GPR162: variants seen among roughly 807,000 people sequenced by gnomAD.
The protein encoded by GPR162 is G protein-coupled receptor 162, also known as probable G protein-coupled receptor 162.
Under a neutral mutation model 44.9 loss-of-function variants are expected in GPR162, and 26 were observed. The observed-to-expected ratio is 0.58, with a 90% confidence interval of 0.42 to 0.80. The LOEUF is 0.80. Ranked by LOEUF, GPR162 falls within the 30% of genes least tolerant of loss-of-function variation. The probability of loss-of-function intolerance (pLI) is 0.00; values close to 1 mark genes in which losing one functional copy is unlikely to be tolerated. For synonymous variants in GPR162, 363 were observed against 335.2 expected (o/e 1.08, Z -0.91); for missense variants, 704 against 802.3 (o/e 0.88, Z 1.48).
At chr12:6,824,804 C>A in intron 2 of GPR162, 39 bp downstream of exon 2, 7 of 1,537,962 alleles carry the variant, frequency 4.6e-6, no homozygotes, top group Non-Finnish European at 6.3e-6. Flanking sequence ...TCCCCAATAT[C>A]CAGGCCCCAG....
rs781927479 is a variant in GPR162, at chr12:6,824,486, C to T, written c.588C>T (p.Val196=). ...LLLGGIVMGL[V]CVAITFYQTL... is the part of the protein sequence containing the mutation. Reference sequence around the variant, plus strand: ...TTGGGGGAATTGTCATGGGTCTGGTCTGTGTGGCCATCACCTTCTACCAGA... The same window carrying T: ...TTGGGGGAATTGTCATGGGTCTGGTTTGTGTGGCCATCACCTTCTACCAGA... The change falls in exon 2 of 5, where the codon GTC becomes GTT. Residue 196 remains valine, a synonymous_variant. Transcript: ENST00000311268. 74 of 1,612,362 alleles carry T rather than the reference C, an allele frequency of 4.6e-5. No homozygotes were observed. In the Admixed American group the frequency reaches 1.2e-3, roughly 26 times the overall value.
Position 6,826,647 on chromosome 12 carries a change from T to G in GPR162, c.1216-6T>G. The stretch of plus-strand genomic sequence containing the variant: ...ACCTTCAGGTCTTACCCGCTCCTCT[T>G]CCCAGGTCCCCCTATCCCGGCGTCT... On this transcript the variant is annotated splice_polypyrimidine_tract_variant and splice_region_variant and intron_variant, in intron 4 of 4. Transcript: ENST00000311268. 1 of 1,518,870 alleles carries G rather than the reference T, an allele frequency of 6.6e-7. No homozygotes were observed. Among genetic ancestry groups the G allele is most frequent in the South Asian group, 1.3e-5 (1 of 74,856 alleles). 94.1% of individuals were successfully genotyped at this position (1,518,870 alleles called of 1,614,324 possible).
chr12:6,827,167 G>C lies in GPR162; in HGVS notation c.1730G>C (p.Gly577Ala). The C allele has an allele frequency of 6.2e-7, 1 of 1,612,180 alleles. No homozygotes were observed. The highest frequency in any genetic ancestry group is 8.5e-7 in the Non-Finnish European group (1 of 1,179,446). The change falls in exon 5 of 5, where the codon GGC becomes GCC. Residue 577 changes from glycine to alanine, a missense_variant. Gly to Ala is a moderately conservative substitution (Grantham distance 60). Around this residue, in one of 6 missense-constraint regions of GPR162, gnomAD observed 404 missense variants for 314.1 expected, o/e 1.29. Coordinates refer to ENST00000311268, the MANE Select transcript of GPR162 (RefSeq NM_019858.2). ...GCAAGGGCTTGGGGAGGATCCTGGG[G>C]CCCAGGCAACCCCATCTTTCCCCAG... The part of the protein sequence containing the change: ...ESARAWGGSW[G>A]PGNPIFPQLT...
intron 4 of GPR162, 136 bp from the exon 5 acceptor site, chr12:6,826,517 T>C: frequency 9.4e-7 from 1 of 1,068,964 alleles, no homozygotes; most frequent in South Asian, 1.6e-5. Flanking sequence ...TCAGACCTCG[T>C]GGGGCCAGGT....
Position 6,827,172 on chromosome 12 carries a change from G to C in GPR162, c.1735G>C (p.Gly579Arg). 1.9e-6 allele frequency: 3 copies of C among 1,611,736 alleles called. No homozygotes were observed. Among genetic ancestry groups the C allele is most frequent in the African/African-American group, 1.3e-5 (1 of 74,998 alleles). Residue 579 changes from glycine (G) to arginine (R), a missense_variant, in exon 5 of 5, where the codon GGC becomes CGC. By Grantham distance (125) the Gly-to-Arg change is moderately radical. This residue lies in a region of GPR162 where 404 missense variants were observed against 314.1 expected (regional missense o/e 1.29). Transcript: ENST00000311268. ...GGCTTGGGGAGGATCCTGGGGCCCA[G>C]GCAACCCCATCTTTCCCCAGCTGAC... The part of the protein sequence containing the change: ...ARAWGGSWGP[G>R]NPIFPQLTL
intron 2 of GPR162, chr12:6,825,124 T>C: frequency 1.9e-6 from 1 of 538,912 alleles, no homozygotes; most frequent in South Asian, 1.9e-5. Flanking sequence ...CTCCATTCCC[T>C]CCTTCCCTCG....
Position 6,827,198 on chromosome 12 carries a change from C to G in GPR162, c.1761C>G (p.Thr587=). The change falls in exon 5 of 5, where the codon ACC becomes ACG. Residue 587 remains threonine, a synonymous_variant. Coordinates refer to ENST00000311268, the MANE Select transcript of GPR162 (RefSeq NM_019858.2). ...GPGNPIFPQL[T]L ...GCAACCCCATCTTTCCCCAGCTGAC[C>G]CTGTGAGCCCAAGCAGGCCTGCTGA... 1 of 1,603,676 alleles carries G rather than the reference C, an allele frequency of 6.2e-7. No homozygotes were observed. Among genetic ancestry groups the G allele is most frequent in the African/African-American group, 1.3e-5 (1 of 74,702 alleles).
chr12:6,827,036 C>G lies in GPR162; in HGVS notation c.1599C>G (p.Leu533=). Residue 533 remains leucine, a synonymous_variant, in exon 5 of 5, where the codon CTC becomes CTG. Transcript: ENST00000311268. ...HSPRRPRPLG[L]SPRRLSLGSP... ...CTCGTCGGCCCCGGCCACTGGGCCT[C>G]TCACCCCGCCGACTCTCCCTTGGGT... 6.2e-7 allele frequency: 1 copy of G among 1,613,366 alleles called. No homozygotes were observed. Among genetic ancestry groups the G allele is most frequent in the Non-Finnish European group, 8.5e-7 (1 of 1,180,034 alleles).
chr12:6,824,006 C>G lies in GPR162; in HGVS notation c.108C>G (p.Leu36=). The G allele has an allele frequency of 6.2e-7, 1 of 1,609,330 alleles. No homozygotes were observed. The highest frequency in any genetic ancestry group is 2.2e-5 in the East Asian group (1 of 44,858). The part of the protein sequence containing the change: ...LALLANAWII[L]SISAKQQKHK... ...TGCTGGCCAATGCCTGGATCATCCT[C>G]AGCATCTCGGCCAAGCAGCAGAAGC... Residue 36 remains leucine, a synonymous_variant, in exon 2 of 5, where the codon CTC becomes CTG. Coordinates refer to ENST00000311268, the MANE Select transcript of GPR162 (RefSeq NM_019858.2).
rs782235597 is a variant in GPR162 at position 6,826,923 on chromosome 12, C to T, written c.1486C>T (p.Arg496Trp). 2.0e-5 allele frequency: 32 copies of T among 1,613,232 alleles called. No homozygotes were observed. The highest frequency in any genetic ancestry group is 8.9e-5 in the East Asian group (4 of 44,862). The change falls in exon 5 of 5, where the codon CGG (arginine) becomes TGG (tryptophan). Residue 496 changes from arginine to tryptophan, a missense_variant. This residue lies in a region of GPR162 where 404 missense variants were observed against 314.1 expected (regional missense o/e 1.29). Transcript: ENST00000311268. Reference sequence around the variant, plus strand: ...TCTGGGGTCAGGTGGGGGACCCCCACGGGGTCCTGGCTTCTTCCGGGAGGA... The same window carrying T: ...TCTGGGGTCAGGTGGGGGACCCCCATGGGGTCCTGGCTTCTTCCGGGAGGA... ...GVLGSGGGPP[R>W]GPGFFREEIT... is the part of the protein sequence containing the mutation.
Position 6,823,815 on chromosome 12 carries a change from T to C in GPR162, c.-84T>C. 1 of 1,606,556 alleles carries C rather than the reference T, an allele frequency of 6.2e-7. No homozygotes were observed. Among genetic ancestry groups the C allele is most frequent in the South Asian group, 1.1e-5 (1 of 90,134 alleles). On this transcript the variant is annotated 5_prime_UTR_variant, in exon 2 of 5. The change abolishes an upstream ATG in the 5' untranslated region. Coordinates refer to ENST00000311268, the MANE Select transcript of GPR162 (RefSeq NM_019858.2). The stretch of plus-strand genomic sequence containing the variant: ...GACAGGGCGAGGATTGTGGGGATCA[T>C]GGGAGTGTTTGTGAGTGGGGCTCCT...
Position 6,826,740 on chromosome 12 carries a change from T to A in GPR162, c.1303T>A (p.Ser435Thr). Residue 435 changes from serine to threonine, a missense_variant, in exon 5 of 5, where the codon TCC (serine) becomes ACC (threonine). By Grantham distance (58) the Ser-to-Thr change is moderately conservative (BLOSUM62 1). Coordinates refer to ENST00000311268, the MANE Select transcript of GPR162 (RefSeq NM_019858.2). ...EPGSFLHKWSSSDDIRVLPAQ... is the reference protein window; with the variant it reads ...EPGSFLHKWSTSDDIRVLPAQ... ...AGGCTCCTTCCTGCACAAGTGGTCA[T>A]CCTCTGATGACATCCGGGTCCTCCC... 6.3e-7 allele frequency: 1 copy of A among 1,592,490 alleles called. No individual in the cohort carries two copies. Among genetic ancestry groups the A allele is most frequent in the South Asian group, 1.1e-5 (1 of 88,030 alleles).
Position 6,824,720 on chromosome 12 carries a change from C to T in GPR162, c.822C>T (p.Ser274=). Residue 274 remains serine, a synonymous_variant, in exon 2 of 5, where the codon AGC becomes AGT. Coordinates refer to ENST00000311268, the MANE Select transcript of GPR162 (RefSeq NM_019858.2). Reference sequence around the variant, plus strand: ...CCCTGCAGGTCACCAACTTGGTCAGCGCCATCGTCTTTCTCTATGACTCAC... The same window carrying T: ...CCCTGCAGGTCACCAACTTGGTCAGTGCCATCGTCTTTCTCTATGACTCAC... The part of the protein sequence containing the change: ...KTSLQVTNLV[S]AIVFLYDSLT... The T allele has an allele frequency of 1.2e-6, 2 of 1,613,886 alleles. No individual in the cohort carries two copies. The highest frequency in any genetic ancestry group is 1.7e-6 in the Non-Finnish European group (2 of 1,179,984).
chr12:6,825,941 A>G (rs1213398535), intron 3 of GPR162, among the ~76,000 whole-genome samples: 4 of 152,142 alleles, frequency 2.6e-5, no homozygotes, highest in African/African-American at 9.7e-5. Flanking sequence ...GAGCTTCCCG[A>G]GAGAGGCCCC....
At chr12:6,824,858 C>T (rs782268475) in intron 2 of GPR162, 93 bp downstream of exon 2, 23 of 950,454 alleles carry the variant, frequency 2.4e-5, no homozygotes, top group East Asian at 1.2e-4. Flanking sequence ...ACAGCAGCTC[C>T]GTCATCTCTC....
Position 6,826,694 on chromosome 12 carries a change from C to G in GPR162, c.1257C>G (p.Ile419Met), listed in dbSNP as rs781798047. The G allele has an allele frequency of 6.5e-7, 1 of 1,534,780 alleles. No individual in the cohort carries two copies. Among genetic ancestry groups the G allele is most frequent in the African/African-American group, 1.4e-5 (1 of 72,018 alleles). Residue 419 changes from isoleucine (I) to methionine (M), a missense_variant, in exon 5 of 5, where the codon ATC (isoleucine) becomes ATG (methionine). By Grantham distance (10) the Ile-to-Met change is conservative. This residue lies in a region of GPR162 where 404 missense variants were observed against 314.1 expected (regional missense o/e 1.29). Coordinates refer to ENST00000311268, the MANE Select transcript of GPR162 (RefSeq NM_019858.2). ...GTCTGTCCCATGATGAGACAAACATCTTCTCTACCCCTCGGGAACCAGGCT... is the reference window on the plus strand; with the variant it reads ...GTCTGTCCCATGATGAGACAAACATGTTCTCTACCCCTCGGGAACCAGGCT... ...SRRLSHDETN[I>M]FSTPREPGSF...
chr12:6,826,467 G>A (rs926334516), intron 4 of GPR162, 114 bp downstream of exon 4: 11 of 1,164,336 alleles, frequency 9.4e-6, no homozygotes, highest in Admixed American at 2.4e-5. Context: ...GGGCACCATA[G>A]AGCTGGGTGA....
rs377367080 is a variant in GPR162 at position 6,826,828 on chromosome 12, A to G, written c.1391A>G (p.Asp464Gly). ...CTGGGACAAAGACACAGGTTGGAGG[A>G]CGAGGAGGACGAGGAAGAGGCTGAA... ...EYLGQRHRLE[D>G]EEDEEEAEGG... Residue 464 changes from aspartate (D) to glycine (G), a missense_variant, in exon 5 of 5, where the codon GAC becomes GGC. Transcript: ENST00000311268. The G allele has an allele frequency of 8.7e-6, 14 of 1,604,258 alleles. No individual in the cohort carries two copies. The highest frequency in any genetic ancestry group is 5.4e-5 in the African/African-American group (4 of 74,242).
In GPR162 at chr12:6,824,133, G is replaced by T. The variant is rs1555119605; in HGVS notation, c.235G>T (p.Ala79Ser). The T allele has an allele frequency of 6.2e-7, 1 of 1,613,944 alleles. No individual in the cohort carries two copies. The highest frequency in any genetic ancestry group is 1.1e-5 in the South Asian group (1 of 91,088). ...TFAVVQLRRQASSDYDWNESI... is the reference protein window; with the variant it reads ...TFAVVQLRRQSSSDYDWNESI... ...TGCCGTGGTGCAGCTGCGTCGTCAG[G>T]CTTCCTCCGACTATGACTGGAACGA... Residue 79 changes from alanine to serine, a missense_variant, in exon 2 of 5, where the codon GCT becomes TCT. This residue lies in a region of GPR162 where 110 missense variants were observed against 206.2 expected (regional missense o/e 0.53). Coordinates refer to ENST00000311268, the MANE Select transcript of GPR162 (RefSeq NM_019858.2).
Sources: allele counts gnomAD v4.1 joint callset (sites outside exome capture counted in the v4.1 genomes callset), GRCh38; gene constraint gnomAD v4.1.1; regional missense constraint gnomAD v4.1.1; transcripts MANE v1.5; gene names NCBI Gene and HGNC (gene_info 2026-07-23, HGNC 2026-07-21).